SNTG1: variants seen among roughly 807,000 people sequenced by gnomAD.
SNTG1 encodes gamma-1-syntrophin.
SNTG1 carries 39 observed loss-of-function variants against 74.7 expected under a neutral mutation model. The observed-to-expected ratio is 0.52, with a 90% CI of 0.40 to 0.68. SNTG1 has a LOEUF of 0.68. Ranked by LOEUF, SNTG1 falls within the 30% of genes least tolerant of loss-of-function variation. SNTG1 has a pLI of 0.00. For missense variants in SNTG1, 685 were observed against 609.5 expected (o/e 1.12, Z -1.30); for synonymous variants, 254 against 217.1 (o/e 1.17, Z -1.49).
chr8:50,430,543 C>A (rs1411488062), intron 4 of SNTG1, among the ~76,000 whole-genome samples: 1 of 152,080 alleles, frequency 6.6e-6, no homozygotes, highest in Non-Finnish European at 1.5e-5. Context: ...GTGAAAGGGC[C>A]ATTTATGCAA....
chr8:50,748,365 C>G (rs897567991), intron 17 of SNTG1, among the ~76,000 whole-genome samples: 1 of 151,936 alleles, frequency 6.6e-6, no homozygotes, highest in Non-Finnish European at 1.5e-5. Flanking sequence ...TGAAGGGGTA[C>G]TACTTTCTCA....
At chr8:50,342,832 C>T (rs993477120) in intron 2 of SNTG1, among the ~76,000 whole-genome samples, 2 of 152,138 alleles carry the variant, frequency 1.3e-5, no homozygotes, top group African/African-American at 4.8e-5. Flanking sequence ...GAAGTCCTAA[C>T]ATGTTAAAGT....
At chr8:49,946,274 T>G (rs1021456434) in intron 1 of SNTG1, among the ~76,000 whole-genome samples, 3 of 152,204 alleles carry the variant, frequency 2.0e-5, no homozygotes, top group African/African-American at 7.2e-5. Flanking sequence ...TTCATACTCT[T>G]AAGCATATAA....
At chr8:50,694,215 TAA>T (rs2095394731) in intron 15 of SNTG1, among the ~76,000 whole-genome samples, 1 of 151,120 alleles carries the variant, frequency 6.6e-6, no homozygotes, top group South Asian at 2.1e-4. Flanking sequence ...AGAAAAAAGA[TAA>T]GAGACTCAAA....
chr8:50,345,158 T>C (rs1425468824), intron 2 of SNTG1, among the ~76,000 whole-genome samples: 1 of 152,190 alleles, frequency 6.6e-6, no homozygotes, highest in Non-Finnish European at 1.5e-5. Flanking sequence ...AGAAAAAGAA[T>C]ACAGATTTGA....
chr8:50,291,244 G>T (rs1197272429), intron 2 of SNTG1, among the ~76,000 whole-genome samples: 2 of 35,426 alleles, frequency 5.6e-5, no homozygotes, highest in Non-Finnish European at 2.0e-4. Flanking sequence ...ACAGACATAT[G>T]TGTGTGTGTG....
chr8:50,626,509 A>G (rs1004831298), intron 13 of SNTG1, among the ~76,000 whole-genome samples: 1 of 152,226 alleles, frequency 6.6e-6, no homozygotes, highest in Non-Finnish European at 1.5e-5. Context: ...TTTGACTCAC[A>G]TATTTATTGA....
intron 8 of SNTG1, among the ~76,000 whole-genome samples, chr8:50,460,511 T>G (rs1332126272): frequency 6.6e-6 from 1 of 152,182 alleles, no homozygotes; most frequent in Non-Finnish European, 1.5e-5. Flanking sequence ...TGTCAATTTT[T>G]GTTTTCATTG....
In SNTG1 at chr8:50,421,139, A is replaced by G. The variant is rs186425671; in HGVS notation, c.163-17404A>G. On this transcript the variant is annotated intron_variant, in intron 4 of 18. Coordinates refer to ENST00000642720, the MANE Select transcript of SNTG1 (RefSeq NM_018967.5). ...CTGGTAAAATGCTAACACTGTTACC[A>G]GAAAAGGGTACCAATCCATACCCCA... 2.0e-3 allele frequency among the ~76,000 whole-genome samples: 297 copies of G among 151,860 alleles called. 2 individuals carry two copies. The highest frequency in any genetic ancestry group is 3.5e-3 in the Non-Finnish European group (236 of 67,952).
chr8:50,793,750 T>A lies in SNTG1; in HGVS notation c.*921T>A, dbSNP rs956583874. On this transcript the variant is annotated 3_prime_UTR_variant, in exon 19 of 19. Transcript: ENST00000642720. ...AGAAACAATTCTTTGTAATCCGAAG[T>A]CTACTAGTTAATCATGAACTAAAAT... is the stretch of plus-strand genomic sequence containing the variant. 5 of 152,030 alleles carry A rather than the reference T, an allele frequency of 3.3e-5. No homozygotes were observed. The highest frequency in any genetic ancestry group is 9.6e-5 in the African/African-American group (4 of 41,532). 9.4% of individuals were successfully genotyped at this position (152,030 alleles called of 1,614,324 possible). A position where few individuals can be genotyped will look rare whatever the true frequency, so the allele number is the denominator to read the frequency against.
chr8:50,167,318 T>A (rs576934642), intron 1 of SNTG1, among the ~76,000 whole-genome samples: 172 of 138,858 alleles, frequency 1.2e-3, no homozygotes, highest in Middle Eastern at 3.6e-3. Flanking sequence ...ATAAAAAAAA[T>A]AAAATAAAAT....
In SNTG1 at chr8:50,232,039, C is replaced by T. The variant is rs74852963; in HGVS notation, c.-28+59404C>T. 6.8e-3 allele frequency among the ~76,000 whole-genome samples: 1,033 copies of T among 151,422 alleles called. 8 individuals are homozygous for T. Among genetic ancestry groups the T allele is most frequent in the Non-Finnish European group, 0.012 (797 of 67,406 alleles). ...TGAAATGAACACCAATTCTATGCAACGTCTTCCTGAAAATGAAAGAAGATA... is the reference window on the plus strand; with the variant it reads ...TGAAATGAACACCAATTCTATGCAATGTCTTCCTGAAAATGAAAGAAGATA... On this transcript the variant is annotated intron_variant, in intron 2 of 18. Transcript: ENST00000642720.
At chr8:50,235,844 G>A (rs904518947) in intron 2 of SNTG1, among the ~76,000 whole-genome samples, 1 of 151,822 alleles carries the variant, frequency 6.6e-6, no homozygotes, top group Non-Finnish European at 1.5e-5. Context: ...AGTAAAATAT[G>A]TTAGCAGTTT....
intron 17 of SNTG1, among the ~76,000 whole-genome samples, chr8:50,720,271 C>T (rs2095484676): frequency 6.6e-6 from 1 of 152,156 alleles, no homozygotes; most frequent in South Asian, 2.1e-4. Flanking sequence ...GCCATTTAGC[C>T]TTTTAATAAC....
At chr8:50,356,738 C>A (rs1411388659) in intron 2 of SNTG1, among the ~76,000 whole-genome samples, 1 of 152,060 alleles carries the variant, frequency 6.6e-6, no homozygotes, top group East Asian at 1.9e-4. Flanking sequence ...TCTTAAAGGC[C>A]CCACCTCCCA....
chr8:50,343,513 CAAACA>C (rs2091381403), intron 2 of SNTG1, among the ~76,000 whole-genome samples: 1 of 152,140 alleles, frequency 6.6e-6, no homozygotes, highest in South Asian at 2.1e-4. Context: ...ATCACAAATA[CAAACA>C]AAACAAAGCC....
At chr8:50,375,652 A>AGATAT (rs1176322562) in intron 2 of SNTG1, among the ~76,000 whole-genome samples, 3 of 152,230 alleles carry the variant, frequency 2.0e-5, no homozygotes, top group Non-Finnish European at 2.9e-5. Flanking sequence ...GGATAAGATA[A>AGATAT]GTCACAAAAT....
intron 13 of SNTG1, among the ~76,000 whole-genome samples, chr8:50,597,734 GT>G (rs1274725518): frequency 1.3e-5 from 2 of 151,348 alleles, no homozygotes; most frequent in Non-Finnish European, 3.0e-5. Context: ...TTTTTGTCTT[GT>G]TTTTTGATAA....
At chr8:50,090,394 T>A (rs1476716889) in intron 1 of SNTG1, among the ~76,000 whole-genome samples, 1 of 152,162 alleles carries the variant, frequency 6.6e-6, no homozygotes, top group African/African-American at 2.4e-5. Flanking sequence ...TCTCTTTCTC[T>A]GGATTGGTTT....
Sources: gnomAD v4.1 joint callset for allele counts (sites outside exome capture counted in the v4.1 genomes callset) on GRCh38, gnomAD v4.1.1 for gene constraint, MANE v1.5 for transcripts, NCBI Gene and HGNC (gene_info 2026-07-23, HGNC 2026-07-21) for gene names.